Variants in GALNTL6 observed in about 807,000 individuals in gnomAD.
The protein encoded by GALNTL6 is polypeptide N-acetylgalactosaminyltransferase-like 6.
Under a neutral mutation model 73.7 loss-of-function variants are expected in GALNTL6, and 46 were observed. That is an observed-to-expected ratio of 0.62 (90% CI 0.49 to 0.80). The LOEUF (loss-of-function observed/expected upper bound fraction) is 0.80. Among genes scored for constraint, GALNTL6 ranks in the 30% least tolerant of loss-of-function variants. GALNTL6 has a pLI of 0.00. For missense variants in GALNTL6, 604 were observed against 755.0 expected (o/e 0.80, Z 2.34); for synonymous variants, 259 against 263.7 (o/e 0.98, Z 0.17).
chr4:172,446,832 G>T (rs1291416619), intron 5 of GALNTL6, among the ~76,000 whole-genome samples: 1 of 152,116 alleles, frequency 6.6e-6, no homozygotes. Flanking sequence ...TAAACTTTTT[G>T]AAGATGTCTA....
chr4:172,976,211 C>T (rs1750805530), intron 10 of GALNTL6, among the ~76,000 whole-genome samples: 1 of 152,118 alleles, frequency 6.6e-6, no homozygotes, highest in South Asian at 2.1e-4. Context: ...TGAGGAGATC[C>T]TATTCACCAC....
intron 7 of GALNTL6, among the ~76,000 whole-genome samples, chr4:172,820,092 G>A (rs774334331): frequency 1.3e-5 from 2 of 152,310 alleles, no homozygotes; most frequent in South Asian, 4.1e-4. Flanking sequence ...CTGCACAAGG[G>A]TGCCCAGTGG....
rs1055628594 is a variant in GALNTL6 at position 172,730,542 on chromosome 4, A to G, written c.554-78819A>G. On this transcript the variant is annotated intron_variant, in intron 5 of 12. Transcript: ENST00000506823. Reference sequence around the variant, plus strand: ...ATGTAACACATTTATTAATTTGCATATGTTGAAACATTGTCTTACCCCTAG... The same window carrying G: ...ATGTAACACATTTATTAATTTGCATGTGTTGAAACATTGTCTTACCCCTAG... Among the ~76,000 whole-genome samples, 7 of 152,234 alleles carry G rather than the reference A, an allele frequency of 4.6e-5. 1 individual carries two copies. Among genetic ancestry groups the G allele is most frequent in the Admixed American group, 1.3e-4 (2 of 15,278 alleles).
intron 2 of GALNTL6, among the ~76,000 whole-genome samples, chr4:172,141,882 A>ACACAC (rs1560939807): frequency 2.8e-5 from 3 of 108,882 alleles, no homozygotes; most frequent in African/African-American, 1.1e-4. Flanking sequence ...AACACACACA[A>ACACAC]ACACACACAC....
intron 2 of GALNTL6, among the ~76,000 whole-genome samples, chr4:172,042,378 A>G (rs536041653): frequency 1.3e-5 from 2 of 152,220 alleles, no homozygotes; most frequent in East Asian, 3.9e-4. Flanking sequence ...GCACATAAAA[A>G]TAAGCCTTTA....
chr4:173,031,014 A>AAG (rs10655625), intron 12 of GALNTL6, among the ~76,000 whole-genome samples: 11,729 of 148,132 alleles, frequency 0.079, 839 homozygotes, highest in African/African-American at 0.19. Flanking sequence ...AAGAAAAGAA[A>AAG]AGAGAGAGAG....
At chr4:172,790,068 G>C (rs1739908838) in intron 5 of GALNTL6, among the ~76,000 whole-genome samples, 1 of 152,220 alleles carries the variant, frequency 6.6e-6, no homozygotes, top group Non-Finnish European at 1.5e-5. Context: ...AAAACTATGA[G>C]TCAAAAGCTT....
intron 2 of GALNTL6, among the ~76,000 whole-genome samples, chr4:172,180,384 C>T (rs1735201112): frequency 6.6e-6 from 1 of 151,524 alleles, no homozygotes; most frequent in South Asian, 2.1e-4. Flanking sequence ...AATTTTCTGC[C>T]ATTCTGTAGG....
At chr4:172,919,898 G>T (rs1200235006) in intron 8 of GALNTL6, among the ~76,000 whole-genome samples, 2 of 152,138 alleles carry the variant, frequency 1.3e-5, no homozygotes, top group African/African-American at 4.8e-5. Context: ...CTGTTTTTAA[G>T]TTTCATTCCC....
At chr4:171,940,317 T>A (rs1738490930) in intron 2 of GALNTL6, among the ~76,000 whole-genome samples, 1 of 147,368 alleles carries the variant, frequency 6.8e-6, no homozygotes, top group Admixed American at 6.6e-5. Context: ...GGGATGCAAA[T>A]AAGAATGTTG....
chr4:172,405,425 ATATATATATATATATATATTTTTT>A lies in GALNTL6; in HGVS notation c.553+56738_553+56761del, dbSNP rs1483054125. Among the ~76,000 whole-genome samples, 15 of 114,264 alleles carry A rather than the reference ATATATATATATATATATATTTTTT, an allele frequency of 1.3e-4. 1 individual carries two copies. The highest frequency in any genetic ancestry group is 5.3e-4 in the African/African-American group (13 of 24,310). 75.0% of individuals were successfully genotyped at this position (114,264 alleles called of 152,430 possible). A position where few individuals can be genotyped will look rare whatever the true frequency, so the allele number is the denominator to read the frequency against. On this transcript the variant is annotated intron_variant, in intron 5 of 12. Coordinates refer to ENST00000506823, the MANE Select transcript of GALNTL6 (RefSeq NM_001034845.3). ...TTGATATATATATATATATATATATATATATATATATATATATATTTTTTTTTTTTTTTTTTTTTTTCTCCTTGC... is the reference window on the plus strand; with the variant it reads ...TTGATATATATATATATATATATATATTTTTTTTTTTTTTTTTCTCCTTGC...
chr4:172,967,907 T>C lies in GALNTL6; in HGVS notation c.1371+15649T>C, dbSNP rs370749344. 1.5e-4 allele frequency among the ~76,000 whole-genome samples: 23 copies of C among 152,302 alleles called. No individual in the cohort carries two copies. The East Asian group carries it at 4.3e-3, about 28-fold the overall frequency. ...TTTGTTTTGAATTTCAATACTCAAG[T>C]ACTTCCCTGTTGAAAATGATGGAAT... On this transcript the variant is annotated intron_variant, in intron 10 of 12. Transcript: ENST00000506823.
At chr4:172,084,143 C>T (rs1043181431) in intron 2 of GALNTL6, among the ~76,000 whole-genome samples, 3 of 152,180 alleles carry the variant, frequency 2.0e-5, no homozygotes, top group African/African-American at 7.2e-5. Flanking sequence ...AAAATGGAAA[C>T]TGAATACAAA....
chr4:171,932,705 G>A (rs1015907698), intron 2 of GALNTL6, among the ~76,000 whole-genome samples: 9 of 152,076 alleles, frequency 5.9e-5, no homozygotes, highest in Non-Finnish European at 1.2e-4. Context: ...TAAATCAATG[G>A]GATGTTTAGA....
chr4:172,154,988 A>G (rs1173730875), intron 2 of GALNTL6, among the ~76,000 whole-genome samples: 1 of 151,468 alleles, frequency 6.6e-6, no homozygotes, highest in Non-Finnish European at 1.5e-5. Flanking sequence ...TAAATTAATA[A>G]GGAAATCGTA....
chr4:172,640,251 C>T (rs919904248), intron 5 of GALNTL6, among the ~76,000 whole-genome samples: 20 of 152,132 alleles, frequency 1.3e-4, no homozygotes, highest in African/African-American at 4.6e-4. Context: ...TTCCCTCCCA[C>T]GTGTCACAGT....
chr4:172,673,488 C>T (rs369664510), intron 5 of GALNTL6, among the ~76,000 whole-genome samples: 10 of 152,090 alleles, frequency 6.6e-5, no homozygotes, highest in African/African-American at 2.4e-4. Flanking sequence ...CTATCATGTC[C>T]ATTTGTTCCA....
At chr4:172,726,232 G>T (rs1245484727) in intron 5 of GALNTL6, among the ~76,000 whole-genome samples, 8 of 152,160 alleles carry the variant, frequency 5.3e-5, no homozygotes, top group Non-Finnish European at 1.2e-4. Flanking sequence ...AACAAAAGTT[G>T]TGAGTAAACA....
At chr4:172,785,301 A>G (rs1341326459) in intron 5 of GALNTL6, among the ~76,000 whole-genome samples, 1 of 152,218 alleles carries the variant, frequency 6.6e-6, no homozygotes, top group African/African-American at 2.4e-5. Flanking sequence ...GAGGACTTAT[A>G]CTTTCAGAAT....
Sources: allele counts gnomAD v4.1 joint callset (sites outside exome capture counted in the v4.1 genomes callset), GRCh38; gene constraint gnomAD v4.1.1; transcripts MANE v1.5; gene names NCBI Gene and HGNC (gene_info 2026-07-23, HGNC 2026-07-21).